Variants in SDK2 observed in about 807,000 individuals in gnomAD.
SDK2 encodes protein sidekick-2.
SDK2 carries 105 observed loss-of-function variants against 253.9 expected under a neutral mutation model. That is an observed-to-expected ratio of 0.41 (90% CI 0.35 to 0.49). The LOEUF (loss-of-function observed/expected upper bound fraction) is 0.49, where lower values mean the gene tolerates loss of function less well. Ranked by LOEUF, SDK2 falls within the 20% of genes least tolerant of loss-of-function variation. The probability of loss-of-function intolerance (pLI) is 0.06; values close to 1 mark genes in which losing one functional copy is unlikely to be tolerated. For synonymous variants in SDK2, 1,249 were observed against 1,234.9 expected (o/e 1.01, Z -0.24); for missense variants, 2,608 against 3,003.0 (o/e 0.87, Z 3.07).
chr17:73,506,750 G>A (rs2063938864), intron 2 of SDK2, among the ~76,000 whole-genome samples: 1 of 152,236 alleles, frequency 6.6e-6, no homozygotes, highest in Non-Finnish European at 1.5e-5. Flanking sequence ...GTCTGTGGCT[G>A]CGAGGAAAGG....
rs201371993 is a variant in SDK2 at position 73,482,373 on chromosome 17, C to A, written c.225-10155G>T. On this transcript the variant is annotated intron_variant, in intron 2 of 44. Coordinates refer to ENST00000392650, the MANE Select transcript of SDK2 (RefSeq NM_001144952.2). ...ATGTGTCTGAAAGCGGCTGCTCAGC[C>A]GAGGCACAACCTGGGGCTTGCACAA... Among the ~76,000 whole-genome samples, 41 of 152,316 alleles carry A rather than the reference C, an allele frequency of 2.7e-4. No individual in the cohort carries two copies. In the East Asian group the frequency reaches 7.3e-3, roughly 27 times the overall value.
chr17:73,510,544 G>A (rs2145766546), intron 1 of SDK2, among the ~76,000 whole-genome samples: 1 of 151,738 alleles, frequency 6.6e-6, no homozygotes, highest in Non-Finnish European at 1.5e-5. Flanking sequence ...CGGTTGCCTA[G>A]GCTGCAGTGC....
At chr17:73,364,080 G>T (rs893727336) in intron 38 of SDK2, among the ~76,000 whole-genome samples, 1 of 151,862 alleles carries the variant, frequency 6.6e-6, no homozygotes, top group East Asian at 1.9e-4. Context: ...GAGTGAGAGG[G>T]GTGGCTCCAG....
chr17:73,449,777 G>A (rs991804043), intron 4 of SDK2, among the ~76,000 whole-genome samples: 5 of 151,896 alleles, frequency 3.3e-5, no homozygotes, highest in Admixed American at 6.6e-5. Flanking sequence ...AAAATTAGCC[G>A]GGTGTGGTGG....
chr17:73,610,828 G>GGTGTGC (rs1050655363), intron 1 of SDK2, among the ~76,000 whole-genome samples: 3 of 151,972 alleles, frequency 2.0e-5, no homozygotes, highest in African/African-American at 4.8e-5. Flanking sequence ...GTGTATGTGT[G>GGTGTGC]GTGTGCGTGT....
intron 1 of SDK2, among the ~76,000 whole-genome samples, chr17:73,631,847 A>G (rs921915050): frequency 3.9e-5 from 6 of 152,244 alleles, no homozygotes; most frequent in African/African-American, 1.4e-4. Context: ...GGCGGTGGAC[A>G]TAGTGATCCC....
rs754885976 is a variant in SDK2, at chr17:73,398,351, C to A, written c.3172G>T (p.Val1058Leu). The change falls in exon 23 of 45, where the codon GTG becomes TTG. Residue 1058 changes from valine to leucine, a missense_variant. Physicochemically the swap from Val to Leu is conservative, Grantham distance 32. Around this residue, in one of 2 missense-constraint regions of SDK2, gnomAD observed 1,505 missense variants for 1,859.1 expected, o/e 0.81. Coordinates refer to ENST00000392650, the MANE Select transcript of SDK2 (RefSeq NM_001144952.2). ...SNEPDARSME[V>L]PDLNPFTCYS... The stretch of plus-strand genomic sequence containing the variant: ...CAGGTGAAGGGGTTGAGGTCGGGCA[C>A]CTCCATGGAGCGGGCATCGGGCTCA... 1.2e-5 allele frequency: 19 copies of A among 1,613,850 alleles called. No homozygotes were observed. In the Admixed American group the frequency reaches 3.2e-4, roughly 27 times the overall value.
At chr17:73,340,785 C>A (rs931054969) in intron 44 of SDK2, among the ~76,000 whole-genome samples, 2 of 91,852 alleles carry the variant, frequency 2.2e-5, no homozygotes, top group Admixed American at 3.7e-4. Context: ...CTCTTGTCGT[C>A]CAGGCTTGAG....
chr17:73,630,084 G>A (rs769665602), intron 1 of SDK2, among the ~76,000 whole-genome samples: 3 of 152,108 alleles, frequency 2.0e-5, no homozygotes, highest in Non-Finnish European at 4.4e-5. Context: ...CAGCCGACTC[G>A]GAGTCCATGG....
At chr17:73,452,360 T>C (rs1282146714) in intron 4 of SDK2, among the ~76,000 whole-genome samples, 1 of 152,146 alleles carries the variant, frequency 6.6e-6, no homozygotes, top group Non-Finnish European at 1.5e-5. Context: ...GGACCTTTTC[T>C]GCTCACTTAT....
Position 73,348,737 on chromosome 17 carries a change from G to T in SDK2, c.6039-12C>A. The T allele has an allele frequency of 1.2e-6, 2 of 1,600,790 alleles. No individual in the cohort carries two copies. The highest frequency in any genetic ancestry group is 8.5e-7 in the Non-Finnish European group (1 of 1,177,502). ...GCCTGGGGGGAGACCTGGAGAGAGC[G>T]GGGGAGTGGGGCCGAGAGGTGCACT... On this transcript the variant is annotated splice_polypyrimidine_tract_variant and intron_variant, in intron 43 of 44. Coordinates refer to ENST00000392650, the MANE Select transcript of SDK2 (RefSeq NM_001144952.2).
intron 1 of SDK2, among the ~76,000 whole-genome samples, chr17:73,566,309 T>TTATA (rs748211880): frequency 2.7e-5 from 4 of 146,990 alleles, no homozygotes; most frequent in Non-Finnish European, 3.0e-5. Context: ...AATAAAATTC[T>TTATA]TATATATATA....
At chr17:73,486,212 G>A (rs375147384) in intron 2 of SDK2, among the ~76,000 whole-genome samples, 7 of 152,256 alleles carry the variant, frequency 4.6e-5, no homozygotes, top group East Asian at 1.9e-4. Context: ...AGTGGCTCCC[G>A]GCAAGAGAGG....
rs138601535 is a variant in SDK2 at position 73,554,814 on chromosome 17, C to A, written c.65-47217G>T. Among the ~76,000 whole-genome samples the A allele has an allele frequency of 7.9e-5, 12 of 152,358 alleles. No homozygotes were observed. The East Asian group carries it at 2.3e-3, about 29-fold the overall frequency. On this transcript the variant is annotated intron_variant, in intron 1 of 44. Transcript: ENST00000392650. ...CCAGCTGTGCTGTGGAGCTCTTGGG[C>A]ATCCTTTGTAGAGTATTGATTTACA... is the stretch of plus-strand genomic sequence containing the variant.
At chr17:73,425,195 G>A (rs1055380288) in intron 12 of SDK2, among the ~76,000 whole-genome samples, 9 of 152,032 alleles carry the variant, frequency 5.9e-5, no homozygotes, top group Non-Finnish European at 1.0e-4. Context: ...ACTCCAGCCT[G>A]GGCGACACAG....
At chr17:73,575,985 G>A (rs2045453833) in intron 1 of SDK2, among the ~76,000 whole-genome samples, 1 of 152,212 alleles carries the variant, frequency 6.6e-6, no homozygotes, top group Non-Finnish European at 1.5e-5. Flanking sequence ...GCTGGGGGCC[G>A]TGGGGGATGA....
At position 73,346,163 on chromosome 17, in the gene SDK2, G is replaced by A. The variant is rs140151523; in HGVS notation, c.6165+2436C>T. Among the ~76,000 whole-genome samples the A allele has an allele frequency of 1.9e-3, 289 of 150,170 alleles. 1 individual carries two copies. The highest frequency in any genetic ancestry group is 6.8e-3 in the Middle Eastern group (2 of 292). On this transcript the variant is annotated intron_variant, in intron 44 of 44. Coordinates refer to ENST00000392650, the MANE Select transcript of SDK2 (RefSeq NM_001144952.2). ...GGAGGTTGCAGTGAGCTGAGATCGCGCACCATCATACTCCAGCCTAGGCAA... is the reference window on the plus strand; with the variant it reads ...GGAGGTTGCAGTGAGCTGAGATCGCACACCATCATACTCCAGCCTAGGCAA...
chr17:73,420,911 A>G (rs1186489387), intron 15 of SDK2, among the ~76,000 whole-genome samples: 2 of 150,516 alleles, frequency 1.3e-5, no homozygotes, highest in African/African-American at 2.5e-5. Flanking sequence ...CCTGACCTCA[A>G]GTGATCCGCC....
At chr17:73,360,599 G>A (rs1418415646) in intron 39 of SDK2, among the ~76,000 whole-genome samples, 1 of 144,452 alleles carries the variant, frequency 6.9e-6, no homozygotes. Flanking sequence ...CTTGACCATG[G>A]CAAATGCCTG....
Sources: allele counts gnomAD v4.1 joint callset (sites outside exome capture counted in the v4.1 genomes callset), GRCh38; gene constraint gnomAD v4.1.1; regional missense constraint gnomAD v4.1.1; transcripts MANE v1.5; gene names NCBI Gene and HGNC (gene_info 2026-07-23, HGNC 2026-07-21).